The following CFAP44 variants were observed in gnomAD, a reference collection of about 807,000 sequenced individuals.
CFAP44 encodes cilia- and flagella-associated protein 44.
In CFAP44, 134 loss-of-function variants were observed where a neutral mutation model predicts 216.2. The observed-to-expected ratio is 0.62, with a 90% confidence interval of 0.54 to 0.72. CFAP44 has a LOEUF of 0.72. CFAP44 is among the 30% of genes least tolerant of loss of function. The pLI is 0.00. For synonymous variants in CFAP44, 700 were observed against 727.6 expected (o/e 0.96, Z 0.61); for missense variants, 2,035 against 2,182.1 (o/e 0.93, Z 1.34).
chr3:113,321,921 C>T (rs1163661936), intron 28 of CFAP44, among the ~76,000 whole-genome samples: 1 of 152,064 alleles, frequency 6.6e-6, no homozygotes, highest in African/African-American at 2.4e-5. Context: ...GAATCAATAT[C>T]ATTAAAATGG....
chr3:113,338,448 A>C (rs528512311), intron 24 of CFAP44, among the ~76,000 whole-genome samples: 1 of 152,240 alleles, frequency 6.6e-6, no homozygotes, highest in African/African-American at 2.4e-5. Context: ...TCCTATTCAA[A>C]TGTGAGAAAA....
chr3:113,409,409 C>A, intron 6 of CFAP44, 87 bp from the exon 7 acceptor site: 3 of 1,214,442 alleles, frequency 2.5e-6, no homozygotes, highest in South Asian at 2.8e-5. Flanking sequence ...AGGGAGTCAG[C>A]CCATGGTGAT....
intron 1 of CFAP44, among the ~76,000 whole-genome samples, chr3:113,440,133 A>C (rs1935327275): frequency 6.6e-6 from 1 of 152,106 alleles, no homozygotes. Context: ...CTGCGATCTC[A>C]GCTCACCGCA....
chr3:113,303,260 G>A (rs1949955405), intron 32 of CFAP44, among the ~76,000 whole-genome samples: 1 of 152,112 alleles, frequency 6.6e-6, no homozygotes, highest in African/African-American at 2.4e-5. Context: ...CATGTGCACA[G>A]GGAGATGTGT....
At chr3:113,413,357 G>A (rs1390086237) in intron 6 of CFAP44, among the ~76,000 whole-genome samples, 1 of 152,148 alleles carries the variant, frequency 6.6e-6, no homozygotes, top group Admixed American at 6.5e-5. Flanking sequence ...TTGCTGTGCA[G>A]AAGCTCTTTA....
chr3:113,398,035 G>A (rs1934037364), intron 13 of CFAP44, among the ~76,000 whole-genome samples: 1 of 152,168 alleles, frequency 6.6e-6, no homozygotes, highest in Non-Finnish European at 1.5e-5. Context: ...AGAGCTCAGT[G>A]ACCATCAGTT....
chr3:113,404,639 C>A (rs1464092549), intron 8 of CFAP44, among the ~76,000 whole-genome samples: 1 of 152,154 alleles, frequency 6.6e-6, no homozygotes, highest in Admixed American at 6.5e-5. Flanking sequence ...ATGCAAAAAA[C>A]CATATGAACT....
Position 113,380,943 on chromosome 3 carries a change from A to T in CFAP44, c.2008T>A (p.Cys670Ser), listed in dbSNP as rs763552086. 9.4e-6 allele frequency: 15 copies of T among 1,594,632 alleles called. No individual in the cohort carries two copies. The Middle Eastern group carries it at 5.0e-4, about 53-fold the overall frequency. ...CTTGAAAAATGGAAACATTTTATGC[A>T]CATGTCTTTGATTTCATAGGAGACT... ...DVVSYEIKDMCIKCFHFSSVK... is the reference protein window; with the variant it reads ...DVVSYEIKDMSIKCFHFSSVK... The change falls in exon 16 of 35, where the codon TGC becomes AGC. Residue 670 changes from cysteine to serine, a missense_variant. Physicochemically the swap from Cys to Ser is moderately radical, Grantham distance 112. This residue lies in a region of CFAP44 where 1,883 missense variants were observed against 2,023.7 expected (regional missense o/e 0.93). Transcript: ENST00000393845.
chr3:113,355,778 A>C (rs75449747), intron 22 of CFAP44, among the ~76,000 whole-genome samples: 107 of 152,164 alleles, frequency 7.0e-4, no homozygotes, highest in African/African-American at 2.5e-3. Flanking sequence ...TTAAAAAAAA[A>C]AAGTTACAAA....
intron 22 of CFAP44, among the ~76,000 whole-genome samples, chr3:113,346,639 G>A (rs889409369): frequency 3.3e-5 from 5 of 150,854 alleles, no homozygotes; most frequent in Non-Finnish European, 7.4e-5. Flanking sequence ...ACCAATCAGC[G>A]CTCTGTGTCT....
intron 2 of CFAP44, chr3:113,432,005 T>A (rs889094121): frequency 5.3e-5 from 8 of 152,136 alleles, no homozygotes; most frequent in Non-Finnish European, 1.2e-4. Context: ...CCCAAATGAC[T>A]CATAATTGTT....
At position 113,291,472 on chromosome 3, in the gene CFAP44, A is replaced by G. The variant is rs1217467073; in HGVS notation, c.*85T>C. 54 of 1,425,270 alleles carry G rather than the reference A, an allele frequency of 3.8e-5. No individual in the cohort carries two copies. The highest frequency in any genetic ancestry group is 4.5e-5 in the Non-Finnish European group (48 of 1,066,552). The allele number at this position is 1,425,270 out of a possible 1,614,324, so 88.3% of individuals were successfully genotyped here. A position where few individuals can be genotyped will look rare whatever the true frequency, so the allele number is the denominator to read the frequency against. Reference sequence around the variant, plus strand: ...CTTTCAGGCGAGTTCAGTTTAAAGTAATAAGATTGTTGGAGGTGATGAGGA... The same window carrying G: ...CTTTCAGGCGAGTTCAGTTTAAAGTGATAAGATTGTTGGAGGTGATGAGGA... On this transcript the variant is annotated 3_prime_UTR_variant, in exon 35 of 35. Transcript: ENST00000393845.
Position 113,366,735 on chromosome 3 carries a change from G to A in CFAP44, c.2445-426C>T, listed in dbSNP as rs879626611. Among the ~76,000 whole-genome samples, 53 of 152,136 alleles carry A rather than the reference G, an allele frequency of 3.5e-4. 1 individual carries two copies. Among genetic ancestry groups the A allele is most frequent in the Non-Finnish European group, 7.2e-4 (49 of 68,000 alleles). On this transcript the variant is annotated intron_variant, in intron 18 of 34. Transcript: ENST00000393845. The stretch of plus-strand genomic sequence containing the variant: ...TGGACAGTGGGTGCAGCCGATGGAG[G>A]GCAAGCCGAAGCAAGGCAGGGTGTT...
chr3:113,336,140 C>T (rs984666972), intron 24 of CFAP44, among the ~76,000 whole-genome samples: 4 of 152,044 alleles, frequency 2.6e-5, no homozygotes, highest in Non-Finnish European at 4.4e-5. Flanking sequence ...AGCTTATACA[C>T]AAGTTTACAC....
At chr3:113,409,593 C>T (rs964218075) in intron 6 of CFAP44, among the ~76,000 whole-genome samples, 4 of 152,020 alleles carry the variant, frequency 2.6e-5, no homozygotes, top group African/African-American at 7.2e-5. Context: ...GAAACACAAA[C>T]GCATATTAGA....
chr3:113,320,444 G>T (rs1359605784), intron 28 of CFAP44, among the ~76,000 whole-genome samples: 1 of 110,448 alleles, frequency 9.1e-6, no homozygotes, highest in Non-Finnish European at 2.1e-5. Flanking sequence ...TGATATATAT[G>T]ATATATATTA....
At chr3:113,433,984 G>C (rs1210900946) in intron 1 of CFAP44, 1 of 222,264 alleles carries the variant, frequency 4.5e-6, no homozygotes, top group African/African-American at 2.2e-5. Context: ...TTAACTTTCT[G>C]CCATCCTACC....
At chr3:113,330,758 G>T in intron 25 of CFAP44, 90 bp from the exon 26 acceptor site, 2 of 1,406,340 alleles carry the variant, frequency 1.4e-6, no homozygotes, top group Middle Eastern at 2.2e-4. Flanking sequence ...TTGCTGAAAG[G>T]CCTAGAAAAA....
At chr3:113,297,578 T>G (rs768576716) in intron 32 of CFAP44, among the ~76,000 whole-genome samples, 1 of 152,248 alleles carries the variant, frequency 6.6e-6, no homozygotes, top group Admixed American at 6.5e-5. Flanking sequence ...TATTATCAGA[T>G]GTGCTGTCTT....
Sources: allele counts gnomAD v4.1 joint callset (sites outside exome capture counted in the v4.1 genomes callset), GRCh38; gene constraint gnomAD v4.1.1; regional missense constraint gnomAD v4.1.1; transcripts MANE v1.5; gene names NCBI Gene and HGNC (gene_info 2026-07-23, HGNC 2026-07-21).